Variants in NRXN3 observed in about 807,000 individuals in gnomAD.
NRXN3 encodes neurexin III.
A neutral mutation model predicts 137.6 loss-of-function variants in NRXN3; 32 were observed. The ratio of observed to expected loss-of-function variants is 0.23; its 90% CI spans 0.18 to 0.31. The LOEUF (loss-of-function observed/expected upper bound fraction) is 0.31. NRXN3 is among the 10% of genes least tolerant of loss of function. NRXN3 has a pLI of 1.00. For synonymous variants in NRXN3, 798 were observed against 784.5 expected (o/e 1.02, Z -0.29); for missense variants, 1,574 against 2,062.5 (o/e 0.76, Z 4.59).
At chr14:78,173,951 G>A (rs1261931427) in intron 1 of NRXN3, among the ~76,000 whole-genome samples, 1 of 151,756 alleles carries the variant, frequency 6.6e-6, no homozygotes, top group Non-Finnish European at 1.5e-5. Context: ...TCTTTGCATG[G>A]GGACTGCGGT....
intron 4 of NRXN3, among the ~76,000 whole-genome samples, chr14:78,617,798 G>T (rs76769536): frequency 0.013 from 1,968 of 151,804 alleles, 43 homozygotes; most frequent in African/African-American, 0.045. Flanking sequence ...CAAAGTATGT[G>T]TACATATCAT....
At chr14:79,403,976 T>C (rs1406875403) in intron 15 of NRXN3, among the ~76,000 whole-genome samples, 2 of 152,194 alleles carry the variant, frequency 1.3e-5, no homozygotes, top group Non-Finnish European at 2.9e-5. Flanking sequence ...CTTAAAAGTT[T>C]TGTTGGAAAA....
chr14:78,300,424 G>C (rs929344266), intron 4 of NRXN3, among the ~76,000 whole-genome samples: 9 of 152,254 alleles, frequency 5.9e-5, no homozygotes, highest in Admixed American at 5.9e-4. Flanking sequence ...GAAGCTGAGG[G>C]AGCAGCCTTG....
chr14:79,712,378 C>T (rs547845525), intron 19 of NRXN3, among the ~76,000 whole-genome samples: 2 of 152,242 alleles, frequency 1.3e-5, no homozygotes, highest in African/African-American at 4.8e-5. Flanking sequence ...TATCGCATTT[C>T]GATTAAATAA....
At chr14:79,405,325 A>C (rs1464665405) in intron 15 of NRXN3, among the ~76,000 whole-genome samples, 1 of 152,276 alleles carries the variant, frequency 6.6e-6, no homozygotes, top group East Asian at 1.9e-4. Context: ...TTTGTTATCA[A>C]GTTTAATGTC....
intron 4 of NRXN3, among the ~76,000 whole-genome samples, chr14:78,333,765 G>A (rs1227492993): frequency 6.6e-6 from 1 of 152,156 alleles, no homozygotes; most frequent in Non-Finnish European, 1.5e-5. Context: ...TGGCTTCTGT[G>A]AGGACTCTGG....
At chr14:79,593,129 G>C (rs1256075781) in intron 16 of NRXN3, among the ~76,000 whole-genome samples, 1 of 151,340 alleles carries the variant, frequency 6.6e-6, no homozygotes, top group Non-Finnish European at 1.5e-5. Context: ...TTTTCATAGA[G>C]AATCATTGAA....
chr14:79,623,373 A>G (rs17109616), intron 16 of NRXN3, among the ~76,000 whole-genome samples: 13,723 of 152,240 alleles, frequency 0.09, 1,456 homozygotes, highest in African/African-American at 0.24. Context: ...TTTAGCTTCC[A>G]TTCTTACAAC....
At chr14:79,530,864 T>G (rs2097163820) in intron 16 of NRXN3, among the ~76,000 whole-genome samples, 1 of 152,164 alleles carries the variant, frequency 6.6e-6, no homozygotes, top group Non-Finnish European at 1.5e-5. Context: ...CCCTTTTTCT[T>G]GAATTGATGG....
chr14:78,693,031 C>T lies in NRXN3; in HGVS notation c.1222-16186C>T, dbSNP rs140492679. ...TCAGGAGGTGGGGGTTGCAGTGAGC[C>T]GAGATCATGCCACTGCATTCCAGCC... On this transcript the variant is annotated intron_variant, in intron 6 of 20. Coordinates refer to ENST00000335750, the MANE Select transcript of NRXN3 (RefSeq NM_001330195.2). 4.8e-4 allele frequency among the ~76,000 whole-genome samples: 73 copies of T among 151,944 alleles called. 2 individuals carry two copies. In the East Asian group the frequency reaches 0.012, roughly 24 times the overall value.
chr14:78,837,027 C>T (rs1280748345), intron 10 of NRXN3, among the ~76,000 whole-genome samples: 2 of 152,140 alleles, frequency 1.3e-5, no homozygotes, highest in African/African-American at 4.8e-5. Context: ...TAACCCACAT[C>T]GCCACCTACT....
At chr14:79,758,437 C>A (rs543627229) in intron 19 of NRXN3, among the ~76,000 whole-genome samples, 1 of 151,972 alleles carries the variant, frequency 6.6e-6, no homozygotes, top group African/African-American at 2.4e-5. Flanking sequence ...GAGGTTCAGG[C>A]AGTTTTTAAC....
At chr14:79,792,516 TAGA>T (rs1306108115) in intron 19 of NRXN3, among the ~76,000 whole-genome samples, 7 of 152,290 alleles carry the variant, frequency 4.6e-5, no homozygotes, top group African/African-American at 1.7e-4. Context: ...CTTTGCTCCC[TAGA>T]AGACTACAAG....
intron 10 of NRXN3, among the ~76,000 whole-genome samples, chr14:78,836,489 T>C (rs190611955): frequency 8.1e-4 from 124 of 152,244 alleles, no homozygotes; most frequent in Non-Finnish European, 1.9e-4. Context: ...GTAGGTTGAG[T>C]TGGGACTGAT....
intron 16 of NRXN3, among the ~76,000 whole-genome samples, chr14:79,659,909 C>A (rs2098525093): frequency 6.6e-6 from 1 of 152,166 alleles, no homozygotes; most frequent in Admixed American, 6.5e-5. Context: ...GTGGTTCCTT[C>A]TCCTGATCTG....
At chr14:78,693,934 A>G (rs2098199473) in intron 6 of NRXN3, among the ~76,000 whole-genome samples, 1 of 151,618 alleles carries the variant, frequency 6.6e-6, no homozygotes, top group Non-Finnish European at 1.5e-5. Context: ...AACTATATTG[A>G]TTGCTCTTGA....
rs544081907 is a variant in NRXN3 at position 79,373,102 on chromosome 14, G to T, written c.3263-94119G>T. On this transcript the variant is annotated intron_variant, in intron 15 of 20. Coordinates refer to ENST00000335750, the MANE Select transcript of NRXN3 (RefSeq NM_001330195.2). ...AATTCAAAACCATCTACTGATGAAT[G>T]AGATGTTTAGGTCCAATTCTGATAT... Among the ~76,000 whole-genome samples, 27 of 152,286 alleles carry T rather than the reference G, an allele frequency of 1.8e-4. No homozygotes were observed. In the South Asian group the frequency reaches 5.4e-3, roughly 30 times the overall value.
At chr14:78,294,991 G>A (rs539386401) in intron 3 of NRXN3, among the ~76,000 whole-genome samples, 61 of 152,234 alleles carry the variant, frequency 4.0e-4, no homozygotes, top group African/African-American at 1.5e-3. Flanking sequence ...CACTGTTGAG[G>A]GGCTTGAGAT....
intron 6 of NRXN3, among the ~76,000 whole-genome samples, chr14:78,677,713 T>C (rs918268): frequency 0.45 from 68,998 of 152,016 alleles, 18,074 homozygotes; most frequent in African/African-American, 0.72. Context: ...CAAACAGCAT[T>C]ACATGCTACA....
Sources: allele counts gnomAD v4.1 joint callset (sites outside exome capture counted in the v4.1 genomes callset), GRCh38; gene constraint gnomAD v4.1.1; transcripts MANE v1.5; gene names NCBI Gene and HGNC (gene_info 2026-07-23, HGNC 2026-07-21).